The following GSTA1 variants were observed in gnomAD, a reference collection of about 807,000 sequenced individuals.
The protein encoded by GSTA1 is glutathione S-transferase alpha 1.
GSTA1 carries 23 observed loss-of-function variants against 21.5 expected under a neutral mutation model. The ratio of observed to expected loss-of-function variants is 1.07; its 90% CI spans 0.77 to 1.52. GSTA1 has a LOEUF of 1.52. Ranked by LOEUF, GSTA1 falls within the 40% of genes most tolerant of loss-of-function variation. GSTA1 has a pLI of 0.00. For missense variants in GSTA1, 301 were observed against 264.2 expected (o/e 1.14, Z -0.96); for synonymous variants, 125 against 90.0 (o/e 1.39, Z -2.20).
rs1763466191 is a variant in GSTA1, at chr6:52,791,880, G to C, written c.647C>G (p.Ala216Gly). The part of the protein sequence containing the change: ...PPMDEKSLEE[A>G]RKIFRF ...TTATTAAAACCTGAAAATCTTCCTT[G>C]CTTCTTCTAAAGATTTCTCATCCAT... is the stretch of plus-strand genomic sequence containing the variant. Residue 216 changes from alanine to glycine, a missense_variant, in exon 7 of 7, where the codon GCA becomes GGA. Coordinates refer to ENST00000334575, the MANE Select transcript of GSTA1 (RefSeq NM_145740.5). 1 of 1,613,848 alleles carries C rather than the reference G, an allele frequency of 6.2e-7. No individual in the cohort carries two copies.
chr6:52,803,148 C>A lies in GSTA1; in HGVS notation c.-31+637G>T, dbSNP rs145158402. Among the ~76,000 whole-genome samples the A allele has an allele frequency of 3.4e-3, 515 of 152,196 alleles. 4 individuals are homozygous for A. Among genetic ancestry groups the A allele is most frequent in the African/African-American group, 0.012 (503 of 41,524 alleles). On this transcript the variant is annotated intron_variant, in intron 1 of 6. Transcript: ENST00000334575. The stretch of plus-strand genomic sequence containing the variant: ...AGAGGCCAGGGATGCCTAGAAACAT[C>A]CTAGAGTGAGCAGGACAGATCTCCA...
chr6:52,791,859 T>G lies in GSTA1; in HGVS notation c.668A>C (p.Ter223SerextTer1). 6.2e-7 allele frequency: 1 copy of G among 1,614,030 alleles called. No individual in the cohort carries two copies. The highest frequency in any genetic ancestry group is 8.5e-7 in the Non-Finnish European group (1 of 1,179,896). ...TTCTTGGCCTCCATGACTGCGTTAT[T>G]AAAACCTGAAAATCTTCCTTGCTTC... ...LEEARKIFRF[*>S] is the part of the protein sequence containing the mutation. Residue 223 changes from the stop codon to serine (S), a stop_lost, in exon 7 of 7, where the codon TAA becomes TCA. Transcript: ENST00000334575.
intron 4 of GSTA1, among the ~76,000 whole-genome samples, chr6:52,795,364 G>A (rs1227281316): frequency 6.6e-6 from 1 of 152,050 alleles, no homozygotes; most frequent in Non-Finnish European, 1.5e-5. Flanking sequence ...TTCATTTATT[G>A]ATTGATGGAT....
intron 3 of GSTA1, 140 bp from the exon 4 acceptor site, chr6:52,796,454 A>C (rs1167208890): frequency 2.7e-6 from 1 of 366,924 alleles, no homozygotes; most frequent in African/African-American, 7.0e-5. Context: ...TGAAACAAAA[A>C]CTATATATAT....
intron 3 of GSTA1, among the ~76,000 whole-genome samples, chr6:52,796,519 G>GTATA (rs1561912823): frequency 3.2e-4 from 4 of 12,390 alleles, no homozygotes; most frequent in African/African-American, 8.5e-4. Context: ...GTGTGTGTGT[G>GTATA]TGTGTGTGTG....
Position 52,791,787 on chromosome 6 carries a change from G to T in GSTA1, c.*71C>A. ...CACAACAGGCACAATCAACACTTAG[G>T]TAAAGTACTTTATTGTTGCAAAACT... On this transcript the variant is annotated 3_prime_UTR_variant, in exon 7 of 7. Coordinates refer to ENST00000334575, the MANE Select transcript of GSTA1 (RefSeq NM_145740.5). 4 of 1,575,092 alleles carry T rather than the reference G, an allele frequency of 2.5e-6. No homozygotes were observed. In the South Asian group the frequency reaches 4.5e-5, roughly 18 times the overall value.
chr6:52,796,185 G>A lies in GSTA1; in HGVS notation c.269C>T (p.Ala90Val). ...AAGAACAGAAAATATACCGTACAGG[G>A]CTCTCTCCTTTATGTCTTTCCCATA... ...NLYGKDIKER[A>V]LIDMYIEGIA... Residue 90 changes from alanine to valine, a missense_variant, in exon 4 of 7, where the codon GCC (alanine) becomes GTC (valine). Coordinates refer to ENST00000334575, the MANE Select transcript of GSTA1 (RefSeq NM_145740.5). 6.2e-7 allele frequency: 1 copy of A among 1,613,272 alleles called. No individual in the cohort carries two copies.
At chr6:52,799,738 AG>A (rs1489097811) in intron 1 of GSTA1, among the ~76,000 whole-genome samples, 1 of 152,232 alleles carries the variant, frequency 6.6e-6, no homozygotes, top group Non-Finnish European at 1.5e-5. Context: ...GGAACATCAG[AG>A]AAATACAATG....
chr6:52,791,821 T>A lies in GSTA1; in HGVS notation c.*37A>T. On this transcript the variant is annotated 3_prime_UTR_variant, in exon 7 of 7. Coordinates refer to ENST00000334575, the MANE Select transcript of GSTA1 (RefSeq NM_145740.5). Reference sequence around the variant, plus strand: ...TTTATTGTTGCAAAACTTTAGAACATTGGTATTGCAAGTTCTTGGCCTCCA... The same window carrying A: ...TTTATTGTTGCAAAACTTTAGAACAATGGTATTGCAAGTTCTTGGCCTCCA... The A allele has an allele frequency of 6.2e-7, 1 of 1,612,818 alleles. No individual in the cohort carries two copies. The highest frequency in any genetic ancestry group is 8.5e-7 in the Non-Finnish European group (1 of 1,179,214).
chr6:52,792,683 A>G (rs1188887771), intron 6 of GSTA1, 173 bp downstream of exon 6: 2 of 1,526,484 alleles, frequency 1.3e-6, no homozygotes, highest in Non-Finnish European at 1.8e-6. Context: ...TCCTTTCCAT[A>G]ACAAAAGTGT....
At chr6:52,792,438 T>G (rs903963956) in intron 6 of GSTA1, among the ~76,000 whole-genome samples, 3 of 152,086 alleles carry the variant, frequency 2.0e-5, no homozygotes, top group African/African-American at 7.2e-5. Flanking sequence ...TGGAGAGCTG[T>G]GCAGAGAGGA....
In GSTA1 at chr6:52,799,285, G is replaced by C. The variant is rs764184878; in HGVS notation, c.-18C>G. The C allele has an allele frequency of 1.9e-6, 3 of 1,602,520 alleles. No individual in the cohort carries two copies. The South Asian group carries it at 3.3e-5, about 18-fold the overall frequency. On this transcript the variant is annotated 5_prime_UTR_variant, in exon 2 of 7. Transcript: ENST00000334575. The stretch of plus-strand genomic sequence containing the variant: ...TCTGCCATGATAGCAGTCTCCTGGA[G>C]GTTTCTCTAAGCCTGAATGAATGAA...
intron 1 of GSTA1, among the ~76,000 whole-genome samples, chr6:52,801,802 G>T (rs2127308755): frequency 6.6e-6 from 1 of 152,172 alleles, no homozygotes; most frequent in South Asian, 2.1e-4. Context: ...CAACAACCCT[G>T]GGAAATGGCT....
In GSTA1 at chr6:52,791,630, T is replaced by C. The variant is rs113716706; in HGVS notation, c.*228A>G. 1.3e-3 allele frequency: 600 copies of C among 460,566 alleles called. 6 individuals carry two copies. Among genetic ancestry groups the C allele is most frequent in the African/African-American group, 0.011 (530 of 49,992 alleles). The allele number at this position is 460,566 out of a possible 1,614,324, so 28.5% of individuals were successfully genotyped here. A position where few individuals can be genotyped will look rare whatever the true frequency, so the allele number is the denominator to read the frequency against. ...TACTGAATTTTTAATTCCAGGAAAA[T>C]GGTTGGCTAGGAGAAGATTGGAAAT... On this transcript the variant is annotated 3_prime_UTR_variant, in exon 7 of 7. Transcript: ENST00000334575.
At chr6:52,795,286 C>T (rs771755946) in intron 4 of GSTA1, among the ~76,000 whole-genome samples, 1 of 152,150 alleles carries the variant, frequency 6.6e-6, no homozygotes, top group Non-Finnish European at 1.5e-5. Flanking sequence ...TTATAGCATG[C>T]ATTAGTACTT....
Position 52,792,901 on chromosome 6 carries a change from G to C in GSTA1, c.501C>G (p.Val167=), listed in dbSNP as rs1051866. The C allele has an allele frequency of 6.2e-7, 1 of 1,614,102 alleles. No individual in the cohort carries two copies. Among genetic ancestry groups the C allele is most frequent in the Admixed American group, 1.7e-5 (1 of 60,016 alleles). ...AGATAAGACTGGAGTCAAGCTCCTCGACGTAGTAGAGAAGTTCCACCAGAT... is the reference window on the plus strand; with the variant it reads ...AGATAAGACTGGAGTCAAGCTCCTCCACGTAGTAGAGAAGTTCCACCAGAT... The part of the protein sequence containing the change: ...DIHLVELLYY[V]EELDSSLISS... The change falls in exon 6 of 7, where the codon GTC becomes GTG. Residue 167 remains valine, a synonymous_variant. Coordinates refer to ENST00000334575, the MANE Select transcript of GSTA1 (RefSeq NM_145740.5).
intron 1 of GSTA1, among the ~76,000 whole-genome samples, chr6:52,800,272 T>G (rs527279108): frequency 1.4e-4 from 21 of 152,340 alleles, no homozygotes; most frequent in African/African-American, 5.1e-4. Context: ...AAAGTAACTT[T>G]CTCAGAGTAA....
chr6:52,795,813 C>T (rs1353548047), intron 4 of GSTA1, among the ~76,000 whole-genome samples: 2 of 152,152 alleles, frequency 1.3e-5, no homozygotes, highest in Admixed American at 6.5e-5. Context: ...CCCAGTCCTT[C>T]ATCTACAGAC....
intron 1 of GSTA1, among the ~76,000 whole-genome samples, chr6:52,801,443 G>T (rs6937886): frequency 6.6e-6 from 1 of 152,202 alleles, no homozygotes; most frequent in Non-Finnish European, 1.5e-5. Flanking sequence ...GTGAAGTTCA[G>T]ATGAAAGCAT....
Sources: gnomAD v4.1 joint callset for allele counts (sites outside exome capture counted in the v4.1 genomes callset) on GRCh38, gnomAD v4.1.1 for gene constraint, MANE v1.5 for transcripts, NCBI Gene and HGNC (gene_info 2026-07-23, HGNC 2026-07-21) for gene names.